Variants in TCERG1L observed in about 807,000 individuals in gnomAD.
TCERG1L encodes the protein transcription elongation regulator 1 like.
TCERG1L carries 37 observed loss-of-function variants against 56.3 expected under a neutral mutation model. That is an observed-to-expected ratio of 0.66 (90% CI 0.51 to 0.87). The LOEUF is 0.87. Among genes scored for constraint, TCERG1L ranks in the 40% least tolerant of loss-of-function variants. The probability of loss-of-function intolerance (pLI) is 0.00; values close to 1 mark genes in which losing one functional copy is unlikely to be tolerated. For synonymous variants in TCERG1L, 324 were observed against 326.3 expected (o/e 0.99, Z 0.08); for missense variants, 799 against 774.2 (o/e 1.03, Z -0.38).
chr10:131,309,092 C>T (rs1040657761), intron 2 of TCERG1L, 61 bp downstream of exon 2: 5 of 1,557,342 alleles, frequency 3.2e-6, no homozygotes, highest in Admixed American at 4.2e-5. Flanking sequence ...GTTGTTATGT[C>T]GATGTTCGAC....
chr10:131,138,270 ACT>A (rs1207358537), intron 7 of TCERG1L, among the ~76,000 whole-genome samples: 1 of 152,032 alleles, frequency 6.6e-6, no homozygotes, highest in East Asian at 1.9e-4. Flanking sequence ...ACAGAGTGAA[ACT>A]CTGTCTCAAA....
At chr10:131,230,656 G>A (rs1432805711) in intron 4 of TCERG1L, among the ~76,000 whole-genome samples, 4 of 152,146 alleles carry the variant, frequency 2.6e-5, no homozygotes, top group South Asian at 2.1e-4. Flanking sequence ...TCTGTGGCTC[G>A]GGTCCACTAC....
intron 4 of TCERG1L, among the ~76,000 whole-genome samples, chr10:131,176,479 C>T (rs995825153): frequency 1.3e-5 from 2 of 151,046 alleles, no homozygotes; most frequent in African/African-American, 4.9e-5. Context: ...CACACAGACA[C>T]GTGTACACAC....
intron 3 of TCERG1L, among the ~76,000 whole-genome samples, chr10:131,288,503 G>A (rs1290967897): frequency 6.6e-6 from 1 of 152,134 alleles, no homozygotes; most frequent in Non-Finnish European, 1.5e-5. Context: ...CGGGAGGTGG[G>A]TGCTACCACC....
intron 6 of TCERG1L, among the ~76,000 whole-genome samples, chr10:131,154,032 C>T (rs756642497): frequency 2.6e-5 from 4 of 152,188 alleles, no homozygotes; most frequent in Admixed American, 6.5e-5. Context: ...CCAGCTGTAA[C>T]ACGCAGAATT....
intron 7 of TCERG1L, among the ~76,000 whole-genome samples, chr10:131,143,482 G>A (rs548889233): frequency 1.3e-5 from 2 of 152,238 alleles, no homozygotes; most frequent in East Asian, 3.9e-4. Flanking sequence ...ATTCCCACCA[G>A]GCTGCACCAA....
chr10:131,265,751 T>C (rs892554176), intron 3 of TCERG1L, among the ~76,000 whole-genome samples: 1 of 152,254 alleles, frequency 6.6e-6, no homozygotes, highest in Non-Finnish European at 1.5e-5. Context: ...TGCTAAAAAA[T>C]ATTAGAGATC....
At position 131,214,807 on chromosome 10, in the gene TCERG1L, A is replaced by G. The variant is rs554197336; in HGVS notation, c.856+45452T>C. The stretch of plus-strand genomic sequence containing the variant: ...CTACTGACCATGTGCCCACTGAGAA[A>G]GACATTTGACAGTGAGAGCCAGCAA... On this transcript the variant is annotated intron_variant, in intron 4 of 11. Coordinates refer to ENST00000368642, the MANE Select transcript of TCERG1L (RefSeq NM_174937.4). Among the ~76,000 whole-genome samples, 21 of 152,360 alleles carry G rather than the reference A, an allele frequency of 1.4e-4. No individual in the cohort carries two copies. In the East Asian group the frequency reaches 4.1e-3, roughly 29 times the overall value.
chr10:131,216,884 C>A (rs762511475), intron 4 of TCERG1L, among the ~76,000 whole-genome samples: 42 of 152,268 alleles, frequency 2.8e-4, no homozygotes, highest in South Asian at 1.9e-3. Context: ...TCTCAAGAGA[C>A]CGCGGGGTGG....
At chr10:131,144,848 G>A (rs754556870) in intron 7 of TCERG1L, among the ~76,000 whole-genome samples, 1 of 152,082 alleles carries the variant, frequency 6.6e-6, no homozygotes, top group Admixed American at 6.6e-5. Flanking sequence ...ACGGAGCATC[G>A]AGCTATGAGC....
At chr10:131,255,487 G>A (rs1448310034) in intron 4 of TCERG1L, among the ~76,000 whole-genome samples, 1 of 152,238 alleles carries the variant, frequency 6.6e-6, no homozygotes, top group African/African-American at 2.4e-5. Context: ...GACCTCTGGG[G>A]TGAGCAGGAG....
At chr10:131,098,257 G>T in intron 11 of TCERG1L, 49 bp downstream of exon 11, 1 of 1,528,078 alleles carries the variant, frequency 6.5e-7, no homozygotes, top group South Asian at 1.2e-5. Context: ...TCTTGTCATT[G>T]GTAAGTTCCC....
At chr10:131,306,233 A>G (rs1846817346) in intron 3 of TCERG1L, among the ~76,000 whole-genome samples, 1 of 152,312 alleles carries the variant, frequency 6.6e-6, no homozygotes, top group South Asian at 2.1e-4. Flanking sequence ...TGTGCATGCC[A>G]AAGTTGGGTA....
intron 11 of TCERG1L, among the ~76,000 whole-genome samples, chr10:131,097,090 C>T (rs111933746): frequency 0.18 from 27,079 of 149,448 alleles, 2,784 homozygotes; most frequent in Non-Finnish European, 0.23. Flanking sequence ...ATCCCAGCTA[C>T]TTGAGAGGTT....
At chr10:131,284,917 T>C (rs57870606) in intron 3 of TCERG1L, among the ~76,000 whole-genome samples, 24,090 of 152,056 alleles carry the variant, frequency 0.16, 2,033 homozygotes, top group South Asian at 0.24. Context: ...ATAGGAAAGA[T>C]GAGGTTCTTA....
intron 3 of TCERG1L, among the ~76,000 whole-genome samples, chr10:131,283,297 G>A (rs564964641): frequency 1.3e-5 from 2 of 152,308 alleles, no homozygotes; most frequent in Middle Eastern, 3.4e-3. Context: ...CCAGGCAGCA[G>A]TGACAAAGGA....
At chr10:131,281,809 CAACA>C (rs1846458391) in intron 3 of TCERG1L, among the ~76,000 whole-genome samples, 1 of 141,224 alleles carries the variant, frequency 7.1e-6, no homozygotes, top group Non-Finnish European at 1.6e-5. Context: ...TTACCACCTC[CAACA>C]CCTAAAAGTG....
At chr10:131,208,489 G>C (rs1435558824) in intron 4 of TCERG1L, among the ~76,000 whole-genome samples, 1 of 152,206 alleles carries the variant, frequency 6.6e-6, no homozygotes, top group African/African-American at 2.4e-5. Flanking sequence ...CACGTCCTCA[G>C]CATCCCCTTC....
At chr10:131,190,517 C>T (rs2133461916) in intron 4 of TCERG1L, among the ~76,000 whole-genome samples, 1 of 107,954 alleles carries the variant, frequency 9.3e-6, no homozygotes, top group South Asian at 2.4e-4. Context: ...TGCAAAAATC[C>T]TTAAGAAAAC....
Sources: gnomAD v4.1 joint callset for allele counts (sites outside exome capture counted in the v4.1 genomes callset) on GRCh38, gnomAD v4.1.1 for gene constraint, MANE v1.5 for transcripts, NCBI Gene and HGNC (gene_info 2026-07-23, HGNC 2026-07-21) for gene names.